BICD1: variants seen among roughly 807,000 people sequenced by gnomAD.
The protein encoded by BICD1 is BICD cargo adaptor 1, also known as protein bicaudal D homolog 1.
In BICD1, 35 loss-of-function variants were observed where a neutral mutation model predicts 92.5. That is an observed-to-expected ratio of 0.38 (90% CI 0.29 to 0.50). BICD1 has a LOEUF of 0.50. Among genes scored for constraint, BICD1 ranks in the 20% least tolerant of loss-of-function variants. The pLI, the probability that BICD1 is intolerant of heterozygous loss-of-function variation, is 0.93. For missense variants in BICD1, 950 were observed against 1,189.8 expected, an observed-to-expected ratio of 0.80 and a Z score of 2.97; for synonymous variants, 429 against 465.1, an observed-to-expected ratio of 0.92 and a Z score of 1.00.
At chr12:32,173,937 C>T (rs1022935355) in intron 1 of BICD1, among the ~76,000 whole-genome samples, 1 of 152,128 alleles carries the variant, frequency 6.6e-6, no homozygotes, top group African/African-American at 2.4e-5. Flanking sequence ...GAAACAAAAA[C>T]AAAACAACAC....
chr12:32,307,215 C>G (rs968138783), intron 4 of BICD1, among the ~76,000 whole-genome samples: 6 of 151,984 alleles, frequency 3.9e-5, no homozygotes, highest in Non-Finnish European at 7.4e-5. Context: ...AAAGGACTTC[C>G]TATGTACAAA....
intron 8 of BICD1, among the ~76,000 whole-genome samples, chr12:32,364,234 T>G (rs1385774155): frequency 6.6e-6 from 1 of 152,218 alleles, no homozygotes; most frequent in East Asian, 1.9e-4. Flanking sequence ...CTTTGTGGGT[T>G]CTACAATGCC....
chr12:32,382,338 T>C lies in BICD1; in HGVS notation c.*4711T>C, dbSNP rs1305821621. On this transcript the variant is annotated 3_prime_UTR_variant, in exon 10 of 10. Coordinates refer to ENST00000652176, the MANE Select transcript of BICD1 (RefSeq NM_001714.4). ...GAAGAAGAAGAGCAATTAACTGCCT[T>C]TAGTGTAAGGGCGAGAGTGCATAGA... is the stretch of plus-strand genomic sequence containing the variant. The C allele has an allele frequency of 6.6e-6, 1 of 152,104 alleles. No homozygotes were observed. Among genetic ancestry groups the C allele is most frequent in the Non-Finnish European group, 1.5e-5 (1 of 67,956 alleles). 9.4% of individuals were successfully genotyped at this position (152,104 alleles called of 1,614,324 possible). A position where few individuals can be genotyped will look rare whatever the true frequency, so the allele number is the denominator to read the frequency against.
intron 2 of BICD1, among the ~76,000 whole-genome samples, chr12:32,225,645 C>T (rs549589864): frequency 3.3e-4 from 8 of 24,114 alleles, no homozygotes; most frequent in African/African-American, 4.3e-4. Flanking sequence ...TTTTTTTAGA[C>T]GGAGTTTTGC....
At chr12:32,369,502 G>T (rs1939651047) in intron 9 of BICD1, among the ~76,000 whole-genome samples, 1 of 152,290 alleles carries the variant, frequency 6.6e-6, no homozygotes, top group South Asian at 2.1e-4. Flanking sequence ...TGCCACAAGT[G>T]TGGAAACACA....
intron 4 of BICD1, among the ~76,000 whole-genome samples, chr12:32,315,932 T>C (rs1054000718): frequency 1.3e-5 from 2 of 151,876 alleles, no homozygotes; most frequent in African/African-American, 2.4e-5. Context: ...GGTCGGGAGT[T>C]CGAGACCAGC....
intron 1 of BICD1, among the ~76,000 whole-genome samples, chr12:32,193,137 A>G (rs1944625659): frequency 6.6e-6 from 1 of 152,242 alleles, no homozygotes; most frequent in Admixed American, 6.5e-5. Context: ...TATTACAGAG[A>G]AATCTTTCAC....
At chr12:32,202,716 T>A (rs1176187872) in intron 1 of BICD1, among the ~76,000 whole-genome samples, 1 of 152,132 alleles carries the variant, frequency 6.6e-6, no homozygotes, top group African/African-American at 2.4e-5. Flanking sequence ...GCTCAAGCAG[T>A]CCTCCCATCT....
rs772493726 is a variant in BICD1 at position 32,305,838 on chromosome 12, G to GA, written c.724dup (p.Arg242LysfsTer19). The GA allele has an allele frequency of 1.2e-6, 2 of 1,614,164 alleles. No homozygotes were observed. The highest frequency in any genetic ancestry group is 3.3e-5 in the Admixed American group (2 of 60,018). ...AGAAGCCCTCGAGACTTTAAAAAAT[G>GA]AAAGAGAGCAAAAGAACAACCTGCG... On this transcript the variant is annotated frameshift_variant, in exon 4 of 10. Transcript: ENST00000652176. LOFTEE classifies it high-confidence loss of function.
At chr12:32,256,564 T>TTTTTTTATTTTGAA (rs2136117645) in intron 2 of BICD1, among the ~76,000 whole-genome samples, 1 of 152,314 alleles carries the variant, frequency 6.6e-6, no homozygotes, top group South Asian at 2.1e-4. Context: ...TAGAAAATGA[T>TTTTTTTATTTTGAA]AAAGAAAAGT....
At chr12:32,309,731 C>G (rs150040268) in intron 4 of BICD1, among the ~76,000 whole-genome samples, 1 of 152,136 alleles carries the variant, frequency 6.6e-6, no homozygotes, top group African/African-American at 2.4e-5. Flanking sequence ...TTGCGCACCT[C>G]AGCTTACAGT....
chr12:32,216,770 G>A (rs1431360327), intron 2 of BICD1, among the ~76,000 whole-genome samples: 3 of 152,142 alleles, frequency 2.0e-5, no homozygotes, highest in Non-Finnish European at 4.4e-5. Flanking sequence ...CCCTGCATTA[G>A]CTGGTTTAAT....
chr12:32,262,863 G>T (rs1443073613), intron 2 of BICD1, among the ~76,000 whole-genome samples: 1 of 152,160 alleles, frequency 6.6e-6, no homozygotes, highest in Non-Finnish European at 1.5e-5. Context: ...CCAAATTTAG[G>T]CTGTGAGTGG....
intron 2 of BICD1, among the ~76,000 whole-genome samples, chr12:32,239,476 G>A (rs1413818681): frequency 6.7e-6 from 1 of 148,784 alleles, no homozygotes; most frequent in Non-Finnish European, 1.5e-5. Flanking sequence ...TGAGGCAGGA[G>A]AATCACTTGA....
chr12:32,122,877 A>C (rs1942204220), intron 1 of BICD1, among the ~76,000 whole-genome samples: 1 of 152,224 alleles, frequency 6.6e-6, no homozygotes, highest in Non-Finnish European at 1.5e-5. Context: ...AATTTGAAAA[A>C]TGGATTTCAA....
Position 32,313,217 on chromosome 12 carries a change from C to T in BICD1, c.1005+7095C>T, listed in dbSNP as rs1948423452. 6.6e-6 allele frequency among the ~76,000 whole-genome samples: 1 copy of T among 152,082 alleles called. No homozygotes were observed. Among genetic ancestry groups the T allele is most frequent in the South Asian group, 2.1e-4 (1 of 4,826 alleles). On this transcript the variant is annotated intron_variant, in intron 4 of 9. Coordinates refer to ENST00000652176, the MANE Select transcript of BICD1 (RefSeq NM_001714.4). This position sits in a 1 kb window ranked among gnomAD's most constrained non-coding sequence, Gnocchi z 4.2. ...AAATTAATATATTCTGTTGCATCCT[C>T]ATGGATGTGGAAGAAATATATTCAT... is the stretch of plus-strand genomic sequence containing the variant.
At chr12:32,318,513 T>A (rs889695530) in intron 4 of BICD1, among the ~76,000 whole-genome samples, 1 of 152,178 alleles carries the variant, frequency 6.6e-6, no homozygotes, top group African/African-American at 2.4e-5. Flanking sequence ...GCTCTCTGTT[T>A]GTCTGTTATT....
At chr12:32,141,663 G>A (rs1257405136) in intron 1 of BICD1, among the ~76,000 whole-genome samples, 1 of 152,108 alleles carries the variant, frequency 6.6e-6, no homozygotes, top group Non-Finnish European at 1.5e-5. Flanking sequence ...TAGTAGAGGT[G>A]GGGTTTCACC....
intron 1 of BICD1, among the ~76,000 whole-genome samples, chr12:32,132,649 AC>A (rs1942591954): frequency 6.6e-6 from 1 of 152,110 alleles, no homozygotes; most frequent in South Asian, 2.1e-4. Flanking sequence ...ACTGCCTTCA[AC>A]CAGGACCCCA....
Sources: gnomAD v4.1 joint callset for allele counts (sites outside exome capture counted in the v4.1 genomes callset) on GRCh38, gnomAD v4.1.1 for gene constraint, Gnocchi (gnomAD v3.1) non-coding constraint, MANE v1.5 for transcripts, NCBI Gene and HGNC (gene_info 2026-07-23, HGNC 2026-07-21) for gene names.